RBFOX1: variants seen among roughly 807,000 people sequenced by gnomAD.
The protein encoded by RBFOX1 is RNA binding fox-1 homolog 1.
In RBFOX1, 8 loss-of-function variants were observed where a neutral mutation model predicts 57.7. The ratio of observed to expected loss-of-function variants is 0.14; its 90% CI spans 0.08 to 0.25. The LOEUF (loss-of-function observed/expected upper bound fraction) is 0.25. RBFOX1 is among the 10% of genes least tolerant of loss of function. RBFOX1 has a pLI of 1.00. For missense variants in RBFOX1, 611 were observed against 548.5 expected, an observed-to-expected ratio of 1.11 and a Z score of -1.14; for synonymous variants, 326 against 222.4, an observed-to-expected ratio of 1.47 and a Z score of -4.15.
At chr16:7,451,526 G>C (rs1386619825) in intron 4 of RBFOX1, among the ~76,000 whole-genome samples, 1 of 152,124 alleles carries the variant, frequency 6.6e-6, no homozygotes, top group Non-Finnish European at 1.5e-5. Context: ...ATAAGCAGTG[G>C]TGGAGGAGAT....
At chr16:6,562,147 A>G (rs934056742) in intron 2 of RBFOX1, among the ~76,000 whole-genome samples, 1 of 152,196 alleles carries the variant, frequency 6.6e-6, no homozygotes, top group African/African-American at 2.4e-5. Flanking sequence ...AAGATAGTTC[A>G]TGGGTAAGTA....
intron 3 of RBFOX1, among the ~76,000 whole-genome samples, chr16:6,964,949 C>T (rs112121487): frequency 1.2e-4 from 19 of 152,264 alleles, no homozygotes; most frequent in African/African-American, 3.1e-4. Flanking sequence ...AGATAACAGA[C>T]GCCAGGCACT....
intron 1 of RBFOX1, among the ~76,000 whole-genome samples, chr16:6,284,818 C>G (rs987876961): frequency 1.3e-5 from 2 of 152,160 alleles, no homozygotes; most frequent in African/African-American, 4.8e-5. Flanking sequence ...GGTATTGTGA[C>G]TCCGTTCACA....
chr16:6,488,362 G>C lies in RBFOX1; in HGVS notation c.-63-166241G>C, dbSNP rs2095552057. Among the ~76,000 whole-genome samples, 3 of 152,116 alleles carry C rather than the reference G, an allele frequency of 2.0e-5. No individual in the cohort carries two copies. In the South Asian group the frequency reaches 6.2e-4, roughly 31 times the overall value. On this transcript the variant is annotated intron_variant, in intron 2 of 15. Transcript: ENST00000550418. Reference sequence around the variant, plus strand: ...TCTTCCATTTGTATTAAAATGATGAGGATGAGGATGTGATAACCTGTCAAC... The same window carrying C: ...TCTTCCATTTGTATTAAAATGATGACGATGAGGATGTGATAACCTGTCAAC...
At position 6,223,242 on chromosome 16, in the gene RBFOX1, T is replaced by C. The variant is rs550396695; in HGVS notation, c.-126-93753T>C. ...GTAATGGGATGGCTGGGTCAAATGG[T>C]ATTTCTGGTTCTAGATCCCTGAGGA... On this transcript the variant is annotated intron_variant, in intron 1 of 15. Transcript: ENST00000550418. Among the ~76,000 whole-genome samples, 181 of 151,416 alleles carry C rather than the reference T, an allele frequency of 1.2e-3. 3 individuals are homozygous for C. In the South Asian group the frequency reaches 0.014, roughly 12 times the overall value.
chr16:5,787,930 G>C (rs1469302775), intron 3 of RBFOX1, among the ~76,000 whole-genome samples: 2 of 152,244 alleles, frequency 1.3e-5, no homozygotes, highest in East Asian at 3.8e-4. Context: ...GATTTGGGCA[G>C]AGACAAGAGA....
At chr16:7,348,375 C>A (rs912038884) in intron 4 of RBFOX1, among the ~76,000 whole-genome samples, 9 of 151,778 alleles carry the variant, frequency 5.9e-5, no homozygotes, top group African/African-American at 2.2e-4. Flanking sequence ...AATAGGAACA[C>A]CTTTTGAAAT....
At chr16:7,545,884 C>G (rs558140295) in intron 5 of RBFOX1, among the ~76,000 whole-genome samples, 2 of 152,200 alleles carry the variant, frequency 1.3e-5, no homozygotes, top group East Asian at 3.9e-4. Flanking sequence ...ACCAGGAATG[C>G]TGGTCCTGCC....
chr16:6,274,652 C>A (rs762182855), intron 1 of RBFOX1, among the ~76,000 whole-genome samples: 9 of 152,178 alleles, frequency 5.9e-5, no homozygotes, highest in Admixed American at 2.6e-4. Flanking sequence ...CCCCTGATAT[C>A]ATACTATGGT....
At chr16:5,938,001 T>G (rs2059201395) in intron 4 of RBFOX1, among the ~76,000 whole-genome samples, 6 of 152,148 alleles carry the variant, frequency 3.9e-5, no homozygotes, top group Admixed American at 3.9e-4. Context: ...TTAAATCACA[T>G]TTAATTTTTG....
intron 3 of RBFOX1, among the ~76,000 whole-genome samples, chr16:5,740,457 T>G (rs2151589352): frequency 6.6e-6 from 1 of 152,352 alleles, no homozygotes; most frequent in Middle Eastern, 3.4e-3. Flanking sequence ...ATTGTGTGAA[T>G]TATCTCACTT....
At chr16:7,265,555 T>C (rs1023040209) in intron 4 of RBFOX1, among the ~76,000 whole-genome samples, 6 of 152,066 alleles carry the variant, frequency 3.9e-5, no homozygotes, top group African/African-American at 7.2e-5. Context: ...TTGAAGCGAT[T>C]CTCCTGCCTC....
chr16:6,587,694 A>T (rs997844098), intron 2 of RBFOX1, among the ~76,000 whole-genome samples: 1 of 152,184 alleles, frequency 6.6e-6, no homozygotes, highest in Non-Finnish European at 1.5e-5. Flanking sequence ...TAAAAAACAG[A>T]GAGATGATTT....
At chr16:7,487,410 G>T (rs1257774596) in intron 4 of RBFOX1, among the ~76,000 whole-genome samples, 1 of 152,124 alleles carries the variant, frequency 6.6e-6, no homozygotes, top group Non-Finnish European at 1.5e-5. Flanking sequence ...GTACTGAAAG[G>T]CACTCCCCAT....
chr16:7,056,755 G>A (rs114259287), intron 4 of RBFOX1, among the ~76,000 whole-genome samples: 47 of 152,048 alleles, frequency 3.1e-4, no homozygotes, highest in Admixed American at 7.2e-4. Context: ...GCTGATTAAC[G>A]AGCTTAGTTA....
chr16:6,027,708 C>A (rs1278133332), intron 1 of RBFOX1, among the ~76,000 whole-genome samples: 6 of 152,124 alleles, frequency 3.9e-5, no homozygotes, highest in Admixed American at 2.0e-4. Context: ...ATAATGATAT[C>A]ATTATTAACC....
chr16:6,930,536 A>G (rs13330498), intron 3 of RBFOX1, among the ~76,000 whole-genome samples: 12,945 of 151,914 alleles, frequency 0.085, 1,907 homozygotes, highest in African/African-American at 0.3. Context: ...CAGCCTCCCA[A>G]GCAGTTGGGA....
intron 2 of RBFOX1, among the ~76,000 whole-genome samples, chr16:6,333,454 T>G (rs1373352273): frequency 6.6e-6 from 1 of 152,222 alleles, no homozygotes; most frequent in Admixed American, 6.5e-5. Context: ...TCTTTTCTGC[T>G]TTTTATTCAG....
chr16:6,992,173 G>GT (rs113179446), intron 3 of RBFOX1, among the ~76,000 whole-genome samples: 15 of 150,398 alleles, frequency 1.0e-4, no homozygotes, highest in East Asian at 7.9e-4. Flanking sequence ...GCAATTTTTT[G>GT]TTTTTTTTGA....
Sources: gnomAD v4.1 joint callset for allele counts (sites outside exome capture counted in the v4.1 genomes callset) on GRCh38, gnomAD v4.1.1 for gene constraint, MANE v1.5 for transcripts, NCBI Gene and HGNC (gene_info 2026-07-23, HGNC 2026-07-21) for gene names.